Variants in TNC observed in about 807,000 individuals in gnomAD.
The protein encoded by TNC is tenascin C, also known as tenascin.
Under a neutral mutation model 202.4 loss-of-function variants are expected in TNC, and 109 were observed. That is an observed-to-expected ratio of 0.54 (90% CI 0.46 to 0.63). TNC has a LOEUF of 0.63. Ranked by LOEUF, TNC falls within the 30% of genes least tolerant of loss-of-function variation. The pLI, the probability that TNC is intolerant of heterozygous loss-of-function variation, is 0.00. For synonymous variants in TNC, 1,007 were observed against 1,089.7 expected (o/e 0.92, Z 1.50); for missense variants, 2,756 against 2,833.3 (o/e 0.97, Z 0.62).
intron 10 of TNC, among the ~76,000 whole-genome samples, chr9:115,070,223 G>A (rs1833362114): frequency 1.3e-5 from 2 of 152,182 alleles, no homozygotes; most frequent in Non-Finnish European, 2.9e-5. Context: ...CAGGATGGGG[G>A]TGCCTTTTTA....
intron 10 of TNC, among the ~76,000 whole-genome samples, chr9:115,068,013 T>G (rs577435095): frequency 2.6e-5 from 4 of 151,930 alleles, no homozygotes; most frequent in Non-Finnish European, 5.9e-5. Context: ...GTAGCTAAAT[T>G]AAAGAGAGAG....
At chr9:115,116,958 G>A (rs997206858) in intron 1 of TNC, among the ~76,000 whole-genome samples, 6 of 152,182 alleles carry the variant, frequency 3.9e-5, no homozygotes, top group Non-Finnish European at 7.3e-5. Flanking sequence ...CTTCCAGAGT[G>A]ATGGCAGTTT....
chr9:115,053,478 G>A (rs1831865198), intron 15 of TNC, among the ~76,000 whole-genome samples: 1 of 152,128 alleles, frequency 6.6e-6, no homozygotes, highest in African/African-American at 2.4e-5. Context: ...TCACAAGGTG[G>A]GTTTGCATTT....
intron 1 of TNC, among the ~76,000 whole-genome samples, chr9:115,102,564 A>C (rs1308761875): frequency 2.6e-5 from 4 of 152,196 alleles, no homozygotes; most frequent in Admixed American, 2.6e-4. Flanking sequence ...CTTTGGCCTA[A>C]ATTTATCTTT....
intron 15 of TNC, among the ~76,000 whole-genome samples, chr9:115,054,802 A>C (rs2132369015): frequency 6.6e-6 from 1 of 152,316 alleles, no homozygotes; most frequent in Middle Eastern, 3.4e-3. Context: ...AATATTCACC[A>C]CATGCACCAA....
chr9:115,100,098 G>T (rs1321892023), intron 1 of TNC, among the ~76,000 whole-genome samples: 6 of 152,206 alleles, frequency 3.9e-5, no homozygotes, highest in African/African-American at 1.4e-4. Context: ...TGTCCATGCT[G>T]CTGAGCCAGG....
intron 27 of TNC, among the ~76,000 whole-genome samples, chr9:115,021,937 G>A (rs1408819871): frequency 6.6e-6 from 1 of 152,292 alleles, no homozygotes; most frequent in East Asian, 1.9e-4. Context: ...TGGGCACGTC[G>A]TAGGTGCTTG....
chr9:115,082,809 T>C lies in TNC; in HGVS notation c.2132-2A>G. On this transcript the variant is annotated splice_acceptor_variant, in intron 4 of 27. Coordinates refer to ENST00000350763, the MANE Select transcript of TNC (RefSeq NM_002160.4). LOFTEE classifies it high-confidence loss of function. ...TCAGGCCTTCAGGTGCAGGTAAGTCTGTAAGTAACAACATAAATAGAACGT... is the reference window on the plus strand; with the variant it reads ...TCAGGCCTTCAGGTGCAGGTAAGTCCGTAAGTAACAACATAAATAGAACGT... The C allele has an allele frequency of 6.2e-7, 1 of 1,605,114 alleles. No homozygotes were observed. The highest frequency in any genetic ancestry group is 8.5e-7 in the Non-Finnish European group (1 of 1,171,832).
At position 115,063,149 on chromosome 9, in the gene TNC, A is replaced by G; in HGVS notation, c.3801T>C (p.Val1267=). 13 of 1,614,156 alleles carry G rather than the reference A, an allele frequency of 8.1e-6. No individual in the cohort carries two copies. The highest frequency in any genetic ancestry group is 1.1e-5 in the Non-Finnish European group (13 of 1,180,012). Reference sequence around the variant, plus strand: ...AGTTCAGTCTGAGAGCATCCCAGCTAACCTCGGTCACTGTGAGGTTTCCCA... The same window carrying G: ...AGTTCAGTCTGAGAGCATCCCAGCTGACCTCGGTCACTGTGAGGTTTCCCA... ...PDMGNLTVTE[V]SWDALRLNWT... The change falls in exon 13 of 28, where the codon GTT becomes GTC. Residue 1267 remains valine, a synonymous_variant. Transcript: ENST00000350763.
At chr9:115,022,707 G>T (rs1829170920) in intron 27 of TNC, among the ~76,000 whole-genome samples, 1 of 152,126 alleles carries the variant, frequency 6.6e-6, no homozygotes, top group African/African-American at 2.4e-5. Flanking sequence ...ACACAGGACT[G>T]CTGTCAAGAA....
At position 115,087,378 on chromosome 9, in the gene TNC, C is replaced by T; in HGVS notation, c.458-105G>A. 2 of 1,136,576 alleles carry T rather than the reference C, an allele frequency of 1.8e-6. 1 individual carries two copies. Among genetic ancestry groups the T allele is most frequent in the Middle Eastern group, 5.8e-4 (2 of 3,422 alleles). 70.4% of individuals were successfully genotyped at this position (1,136,576 alleles called of 1,614,324 possible). On this transcript the variant is annotated intron_variant, in intron 2 of 27. Coordinates refer to ENST00000350763, the MANE Select transcript of TNC (RefSeq NM_002160.4). Reference sequence around the variant, plus strand: ...AAATTCAGCTGAAGGACGGTTGCACCCTCAGGCTCCATCTGGCTTGAGAAC... The same window carrying T: ...AAATTCAGCTGAAGGACGGTTGCACTCTCAGGCTCCATCTGGCTTGAGAAC...
intron 1 of TNC, among the ~76,000 whole-genome samples, chr9:115,104,271 C>G (rs536625056): frequency 6.6e-6 from 1 of 152,256 alleles, no homozygotes; most frequent in African/African-American, 2.4e-5. Context: ...TTCTCAAAGT[C>G]TTGAGCCAAG....
intron 15 of TNC, chr9:115,052,839 T>C (rs1046479980): frequency 5.7e-6 from 4 of 702,624 alleles, no homozygotes; most frequent in African/African-American, 5.2e-5. Flanking sequence ...AAGCCTGTGA[T>C]GTGAGCTTGC....
rs200923690 is a variant in TNC at position 115,057,368 on chromosome 9, T to C, written c.4364A>G (p.Asn1455Ser). ...CCCATCGGTAGCCATCCAGGAGAGA[T>C]TGAAGCTCTCGGGAGTTATGTCAGA... is the stretch of plus-strand genomic sequence containing the variant. Reference protein sequence around the residue: ...NVSDITPESFNLSWMATDGIF... With the variant: ...NVSDITPESFSLSWMATDGIF... Residue 1455 changes from asparagine to serine, a missense_variant, in exon 15 of 28, where the codon AAT (asparagine) becomes AGT (serine). Transcript: ENST00000350763. The C allele has an allele frequency of 4.3e-5, 69 of 1,614,016 alleles. 1 individual carries two copies. The highest frequency in any genetic ancestry group is 1.6e-4 in the South Asian group (15 of 91,052).
chr9:115,041,098 A>C lies in TNC; in HGVS notation c.5249-14T>G. ...TGGAGGGTGTACCTGGAACACAGTA[A>C]AAGCAAGATGAGGAATAATGAACCT... is the stretch of plus-strand genomic sequence containing the variant. On this transcript the variant is annotated splice_polypyrimidine_tract_variant and intron_variant, in intron 18 of 27. Coordinates refer to ENST00000350763, the MANE Select transcript of TNC (RefSeq NM_002160.4). The C allele has an allele frequency of 6.2e-7, 1 of 1,602,346 alleles. No homozygotes were observed. The highest frequency in any genetic ancestry group is 8.5e-7 in the Non-Finnish European group (1 of 1,173,108).
chr9:115,069,848 T>TTTCC (rs1029783295), intron 10 of TNC, among the ~76,000 whole-genome samples: 43 of 131,776 alleles, frequency 3.3e-4, no homozygotes, highest in African/African-American at 1.1e-3. Flanking sequence ...TCCTTCCTTC[T>TTTCC]TTCCTTCCTT....
At chr9:115,057,481 G>C (rs898650544) in intron 14 of TNC, 56 bp from the exon 15 acceptor site, 3 of 1,510,952 alleles carry the variant, frequency 2.0e-6, no homozygotes, top group African/African-American at 2.8e-5. Flanking sequence ...TAATTATTTG[G>C]CTGTGTTTTA....
Position 115,057,090 on chromosome 9 carries a change from G to C in TNC, c.4579+63C>G, listed in dbSNP as rs2132438097. The stretch of plus-strand genomic sequence containing the variant: ...ACATCAATGGGAGAGGAGAAGGAGA[G>C]GCTTCACCCTGCAAAGAAGACTGTG... On this transcript the variant is annotated intron_variant, in intron 15 of 27. Transcript: ENST00000350763. 6.5e-6 allele frequency: 10 copies of C among 1,538,496 alleles called. No individual in the cohort carries two copies. The East Asian group carries it at 2.0e-4, about 31-fold the overall frequency.
chr9:115,075,988 C>A, intron 9 of TNC, 44 bp downstream of exon 9: 1 of 1,561,158 alleles, frequency 6.4e-7, no homozygotes, highest in Non-Finnish European at 8.8e-7. Context: ...GTCTCATCTG[C>A]CCAGCACCAG....
Sources: allele counts gnomAD v4.1 joint callset (sites outside exome capture counted in the v4.1 genomes callset), GRCh38; gene constraint gnomAD v4.1.1; transcripts MANE v1.5; gene names NCBI Gene and HGNC (gene_info 2026-07-23, HGNC 2026-07-21).